PIK3CD: variants seen among roughly 807,000 people sequenced by gnomAD.
PIK3CD encodes phosphatidylinositol 4,5-bisphosphate 3-kinase catalytic subunit delta isoform.
A neutral mutation model predicts 122.9 loss-of-function variants in PIK3CD; 20 were observed. That is an observed-to-expected ratio of 0.16 (90% confidence interval 0.11 to 0.24). The LOEUF (loss-of-function observed/expected upper bound fraction) is 0.24. PIK3CD is among the 10% of genes least tolerant of loss of function. PIK3CD has a pLI of 1.00. For missense variants in PIK3CD, 787 were observed against 1,406.3 expected, an observed-to-expected ratio of 0.56 and a Z score of 7.04; for synonymous variants, 596 against 593.4, an observed-to-expected ratio of 1.00 and a Z score of -0.06.
chr1:9,628,663 G>A, the PIK3CD span, among the ~76,000 whole-genome samples: 1 of 152,190 alleles, frequency 6.6e-6, no homozygotes, highest in Non-Finnish European at 1.5e-5. Flanking sequence ...CTCACACGGA[G>A]GTGGCCCAGA....
chr1:9,677,052 C>T (rs1557612341), intron 1 of PIK3CD, among the ~76,000 whole-genome samples: 1 of 152,138 alleles, frequency 6.6e-6, no homozygotes, highest in Non-Finnish European at 1.5e-5. Context: ...CTCTTTGGTT[C>T]AGAGCTTACA....
Position 9,723,421 on chromosome 1 carries a change from AG to A in PIK3CD, c.2594+131del. On this transcript the variant is annotated intron_variant, in intron 20 of 23. Coordinates refer to ENST00000377346, the MANE Select transcript of PIK3CD (RefSeq NM_005026.5). The surrounding 1 kb of genome is among the most constrained non-coding windows in gnomAD (Gnocchi z 4.9). Reference sequence around the variant, plus strand: ...TCTTTGTGGCTACTTGGCTCAGTTGAGGACCAGCCTGTGTCTGGGTTGGGGT... The same window carrying A: ...TCTTTGTGGCTACTTGGCTCAGTTGAGACCAGCCTGTGTCTGGGTTGGGGT... 1 of 947,704 alleles carries A rather than the reference AG, an allele frequency of 1.1e-6. No individual in the cohort carries two copies. 58.7% of individuals were successfully genotyped at this position (947,704 alleles called of 1,614,324 possible). A position where few individuals can be genotyped will look rare whatever the true frequency, so the allele number is the denominator to read the frequency against.
intron 13 of PIK3CD, 63 bp from the exon 14 acceptor site, chr1:9,721,064 C>A: frequency 6.7e-7 from 1 of 1,503,222 alleles, no homozygotes; most frequent in East Asian, 2.3e-5. Flanking sequence ...GGCCATCACC[C>A]TTACCCTGAC....
the PIK3CD span, among the ~76,000 whole-genome samples, chr1:9,629,573 T>C: frequency 6.6e-6 from 1 of 151,796 alleles, no homozygotes; most frequent in East Asian, 1.9e-4. Flanking sequence ...GGAAAGGCTG[T>C]GTGACCTTGG....
At chr1:9,699,546 A>G (rs1439212862) in intron 2 of PIK3CD, among the ~76,000 whole-genome samples, 1 of 151,158 alleles carries the variant, frequency 6.6e-6, no homozygotes, top group Non-Finnish European at 1.5e-5. Context: ...ACCCTCTCCC[A>G]GTCACGCCCT....
rs981066044 is a variant in PIK3CD, at chr1:9,724,603, A to G, written c.2864+182A>G. ...CACCCTGCAGTGCCCCTTTTGGGCAATGTGGGCAGGTTTGTGGGTCATGTA... is the reference window on the plus strand; with the variant it reads ...CACCCTGCAGTGCCCCTTTTGGGCAGTGTGGGCAGGTTTGTGGGTCATGTA... On this transcript the variant is annotated intron_variant, in intron 22 of 23. Transcript: ENST00000377346. This position sits in a 1 kb window ranked among gnomAD's most constrained non-coding sequence, Gnocchi z 7.3. Among the ~76,000 whole-genome samples, 1 of 152,276 alleles carries G rather than the reference A, an allele frequency of 6.6e-6. No individual in the cohort carries two copies. Among genetic ancestry groups the G allele is most frequent in the African/African-American group, 2.4e-5 (1 of 41,576 alleles).
At chr1:9,632,206 T>A in the PIK3CD span, among the ~76,000 whole-genome samples, 1 of 152,068 alleles carries the variant, frequency 6.6e-6, no homozygotes, top group East Asian at 1.9e-4. Flanking sequence ...GAGATGGGGT[T>A]TCTCCATGTT....
At chr1:9,714,897 G>A (rs998844240) in intron 3 of PIK3CD, among the ~76,000 whole-genome samples, 11 of 152,202 alleles carry the variant, frequency 7.2e-5, no homozygotes, top group Middle Eastern at 3.4e-3. Flanking sequence ...GTTGCCAGGC[G>A]CAGTGGCTCA....
In PIK3CD at chr1:9,720,368, C is replaced by A; in HGVS notation, c.1470+126C>A. The A allele has an allele frequency of 7.2e-7, 1 of 1,394,238 alleles. No individual in the cohort carries two copies. Among genetic ancestry groups the A allele is most frequent in the African/African-American group, 1.4e-5 (1 of 69,218 alleles). 86.4% of individuals were successfully genotyped at this position (1,394,238 alleles called of 1,614,324 possible). A position where few individuals can be genotyped will look rare whatever the true frequency, so the allele number is the denominator to read the frequency against. ...GCTGGGCTACCAGGCATATCTGGGG[C>A]CTTCCCAGGGGCCATTTTGCCTGCA... On this transcript the variant is annotated intron_variant, in intron 11 of 23. Transcript: ENST00000377346. This position sits in a 1 kb window ranked among gnomAD's most constrained non-coding sequence, Gnocchi z 9.0.
rs926008849 is a variant in PIK3CD at position 9,717,284 on chromosome 1, G to A, written c.930+176G>A. Among the ~76,000 whole-genome samples the A allele has an allele frequency of 1.3e-5, 2 of 152,232 alleles. No individual in the cohort carries two copies. Among genetic ancestry groups the A allele is most frequent in the African/African-American group, 2.4e-5 (1 of 41,468 alleles). On this transcript the variant is annotated intron_variant, in intron 7 of 23. Coordinates refer to ENST00000377346, the MANE Select transcript of PIK3CD (RefSeq NM_005026.5). This position sits in a 1 kb window ranked among gnomAD's most constrained non-coding sequence, Gnocchi z 5.4. ...TGGGCTGGGGGCCTGTGGGACTGCC[G>A]TGGGTGGGGGGCAGCCCCATGCCTG...
At chr1:9,645,025 CTTTTT>C in the PIK3CD span, among the ~76,000 whole-genome samples, 29 of 81,802 alleles carry the variant, frequency 3.5e-4, no homozygotes, top group African/African-American at 1.4e-3. Flanking sequence ...CTTTTCTTTT[CTTTTT>C]TTTTTTTTTT....
intron 1 of PIK3CD, among the ~76,000 whole-genome samples, chr1:9,658,736 G>A (rs1026211558): frequency 5.3e-4 from 80 of 152,000 alleles, no homozygotes; most frequent in African/African-American, 1.9e-3. Context: ...CGCCATATTG[G>A]CCAGGCTGGT....
chr1:9,679,264 C>A (rs1198611584), intron 1 of PIK3CD, among the ~76,000 whole-genome samples: 1 of 151,958 alleles, frequency 6.6e-6, no homozygotes, highest in African/African-American at 2.4e-5. Flanking sequence ...GACGGGGTTT[C>A]ACGGTGTTGG....
chr1:9,654,472 C>T, intron 1 of PIK3CD: 1 of 746,910 alleles, frequency 1.3e-6, no homozygotes, highest in Non-Finnish European at 1.7e-6. Context: ...GACAGTCCAC[C>T]AATGGTTGTG....
intron 5 of PIK3CD, 171 bp downstream of exon 5, chr1:9,716,249 C>T: frequency 2.4e-6 from 2 of 818,152 alleles, no homozygotes; most frequent in Non-Finnish European, 4.0e-6. Flanking sequence ...CAGGCAAGCT[C>T]AACGTGGCAG....
the PIK3CD span, among the ~76,000 whole-genome samples, chr1:9,627,765 G>C: frequency 2.6e-5 from 4 of 152,212 alleles, no homozygotes; most frequent in African/African-American, 9.6e-5. Context: ...GGCCCCGGGT[G>C]CTGTTGGTGC....
chr1:9,713,226 T>A lies in PIK3CD; in HGVS notation c.142-2315T>A, dbSNP rs560221807. Among the ~76,000 whole-genome samples the A allele has an allele frequency of 4.6e-5, 7 of 151,914 alleles. No homozygotes were observed. In the South Asian group the frequency reaches 1.5e-3, roughly 32 times the overall value. On this transcript the variant is annotated intron_variant, in intron 3 of 23. Transcript: ENST00000377346. ...GTGTGGTGGCATGTGCCTGTGATCC[T>A]AGCTACTCAGGAAGCTGAGGCAGGA...
At chr1:9,726,850 G>A (rs944352989) in intron 23 of PIK3CD, 59 bp from the exon 24 acceptor site, 25 of 1,607,056 alleles carry the variant, frequency 1.6e-5, no homozygotes, top group African/African-American at 2.7e-5. Context: ...AGAGAGGGAC[G>A]CATCCCAGAG....
chr1:9,680,306 C>T (rs976692640), intron 1 of PIK3CD, among the ~76,000 whole-genome samples: 1 of 151,978 alleles, frequency 6.6e-6, no homozygotes, highest in African/African-American at 2.4e-5. Context: ...CACAGTTATG[C>T]AACCATCAGC....
Sources: gnomAD v4.1 joint callset for allele counts (sites outside exome capture counted in the v4.1 genomes callset) on GRCh38, gnomAD v4.1.1 for gene constraint, Gnocchi (gnomAD v3.1) non-coding constraint, MANE v1.5 for transcripts, NCBI Gene and HGNC (gene_info 2026-07-23, HGNC 2026-07-21) for gene names.